Variants in LRRTM4 observed in about 807,000 individuals in gnomAD.
LRRTM4 encodes leucine-rich repeat transmembrane neuronal protein 4.
In LRRTM4, 25 loss-of-function variants were observed where a neutral mutation model predicts 47.6. That is an observed-to-expected ratio of 0.53 (90% CI 0.38 to 0.73). The LOEUF (loss-of-function observed/expected upper bound fraction) is 0.73, where lower values mean the gene tolerates loss of function less well. Ranked by LOEUF, LRRTM4 falls within the 30% of genes least tolerant of loss-of-function variation. The pLI is 0.00. For synonymous variants in LRRTM4, 311 were observed against 269.5 expected (o/e 1.15, Z -1.51); for missense variants, 638 against 713.4 (o/e 0.89, Z 1.20).
chr2:77,102,583 A>T (rs1670985666), intron 3 of LRRTM4, among the ~76,000 whole-genome samples: 1 of 152,188 alleles, frequency 6.6e-6, no homozygotes, highest in Non-Finnish European at 1.5e-5. Flanking sequence ...CAATTGATCA[A>T]AGATATATAA....
At chr2:76,897,867 C>T (rs1000605123) in intron 3 of LRRTM4, among the ~76,000 whole-genome samples, 4 of 152,132 alleles carry the variant, frequency 2.6e-5, no homozygotes, top group African/African-American at 9.7e-5. Flanking sequence ...CAGTACCACT[C>T]ATTCCATAGA....
chr2:77,291,218 A>T (rs1157813897), intron 3 of LRRTM4, among the ~76,000 whole-genome samples: 1 of 152,076 alleles, frequency 6.6e-6, no homozygotes, highest in African/African-American at 2.4e-5. Flanking sequence ...TCTCTCTGGT[A>T]TGCATCTTGG....
At chr2:77,024,131 G>A (rs1040824566) in intron 3 of LRRTM4, among the ~76,000 whole-genome samples, 1 of 152,074 alleles carries the variant, frequency 6.6e-6, no homozygotes, top group African/African-American at 2.4e-5. Flanking sequence ...ATTACCACAA[G>A]AACAGTATTG....
intron 3 of LRRTM4, among the ~76,000 whole-genome samples, chr2:77,229,794 AT>A (rs1674914548): frequency 6.6e-6 from 1 of 152,090 alleles, no homozygotes; most frequent in Non-Finnish European, 1.5e-5. Context: ...TGCCTGAAAT[AT>A]TTTTTAAATA....
intron 3 of LRRTM4, among the ~76,000 whole-genome samples, chr2:77,399,021 G>C (rs1673827756): frequency 6.6e-6 from 1 of 151,674 alleles, no homozygotes; most frequent in South Asian, 2.1e-4. Flanking sequence ...CAGTTCTCCT[G>C]TCCATCCTGC....
At chr2:77,321,824 A>T (rs1677801883) in intron 3 of LRRTM4, among the ~76,000 whole-genome samples, 1 of 152,080 alleles carries the variant, frequency 6.6e-6, no homozygotes, top group Non-Finnish European at 1.5e-5. Flanking sequence ...TAATTCTGGG[A>T]GCTTTAAAAG....
intron 3 of LRRTM4, among the ~76,000 whole-genome samples, chr2:76,927,882 A>C (rs924561975): frequency 6.6e-6 from 1 of 152,166 alleles, no homozygotes; most frequent in African/African-American, 2.4e-5. Flanking sequence ...GGGTTAAATC[A>C]AGCCCTTTTC....
intron 3 of LRRTM4, among the ~76,000 whole-genome samples, chr2:77,308,628 A>C (rs1677357404): frequency 6.6e-6 from 1 of 152,132 alleles, no homozygotes; most frequent in Non-Finnish European, 1.5e-5. Context: ...TGAAGAAATA[A>C]ATACCATTTT....
chr2:76,920,847 A>C (rs1472149856), intron 3 of LRRTM4, among the ~76,000 whole-genome samples: 1 of 152,184 alleles, frequency 6.6e-6, no homozygotes, highest in East Asian at 1.9e-4. Flanking sequence ...TAATTTACTG[A>C]AACTATTTTT....
chr2:77,126,470 T>A (rs1671655454), intron 3 of LRRTM4, among the ~76,000 whole-genome samples: 2 of 152,172 alleles, frequency 1.3e-5, no homozygotes, highest in Admixed American at 6.5e-5. Flanking sequence ...TGTGATATAT[T>A]TCACCCTGTG....
chr2:76,817,939 A>G (rs1416974628), intron 3 of LRRTM4, among the ~76,000 whole-genome samples: 1 of 151,944 alleles, frequency 6.6e-6, no homozygotes, highest in Admixed American at 6.6e-5. Flanking sequence ...CATAATTCAT[A>G]TAAGATAATC....
intron 3 of LRRTM4, among the ~76,000 whole-genome samples, chr2:77,503,234 G>C (rs1558773476): frequency 6.6e-6 from 1 of 151,594 alleles, no homozygotes; most frequent in African/African-American, 2.4e-5. Flanking sequence ...GACAAAAATT[G>C]TCACTAGTAA....
At chr2:76,983,254 T>G (rs189526720) in intron 3 of LRRTM4, among the ~76,000 whole-genome samples, 1 of 152,000 alleles carries the variant, frequency 6.6e-6, no homozygotes, top group Non-Finnish European at 1.5e-5. Context: ...GGCCTTAAAT[T>G]TCTAATCCAT....
At chr2:76,879,669 A>G (rs1243406527) in intron 3 of LRRTM4, among the ~76,000 whole-genome samples, 4 of 152,344 alleles carry the variant, frequency 2.6e-5, no homozygotes, top group African/African-American at 9.6e-5. Context: ...ATTTGAGAAC[A>G]TACTGCTTAA....
chr2:77,097,231 C>G (rs1670834912), intron 3 of LRRTM4, among the ~76,000 whole-genome samples: 1 of 151,778 alleles, frequency 6.6e-6, no homozygotes, highest in African/African-American at 2.4e-5. Context: ...GCATAATATT[C>G]AAATTATTAA....
chr2:77,428,782 T>C (rs1190549984), intron 3 of LRRTM4, among the ~76,000 whole-genome samples: 2 of 152,222 alleles, frequency 1.3e-5, no homozygotes, highest in African/African-American at 4.8e-5. Context: ...AGTTTCATTA[T>C]TGAGACTGTT....
intron 3 of LRRTM4, among the ~76,000 whole-genome samples, chr2:77,256,537 A>C (rs1675772092): frequency 6.6e-6 from 1 of 152,098 alleles, no homozygotes; most frequent in African/African-American, 2.4e-5. Flanking sequence ...GTTCCATGAT[A>C]GTGAGTAAGT....
intron 3 of LRRTM4, among the ~76,000 whole-genome samples, chr2:76,962,074 A>G (rs1224889248): frequency 6.6e-6 from 1 of 151,260 alleles, no homozygotes; most frequent in Non-Finnish European, 1.5e-5. Context: ...AAGCCCTTAT[A>G]GAGTCTCTAC....
At chr2:76,934,045 A>C (rs1674859096) in intron 3 of LRRTM4, among the ~76,000 whole-genome samples, 1 of 152,278 alleles carries the variant, frequency 6.6e-6, no homozygotes, top group African/African-American at 2.4e-5. Flanking sequence ...TTGATTTATC[A>C]GTGTTCACTT....
Sources: gnomAD v4.1 joint callset for allele counts (sites outside exome capture counted in the v4.1 genomes callset) on GRCh38, gnomAD v4.1.1 for gene constraint, MANE v1.5 for transcripts, NCBI Gene and HGNC (gene_info 2026-07-23, HGNC 2026-07-21) for gene names.